The following DLG2 variants were observed in gnomAD, a reference collection of about 807,000 sequenced individuals.
The protein encoded by DLG2 is discs large MAGUK scaffold protein 2, also known as disks large homolog 2.
In DLG2, 45 loss-of-function variants were observed where a neutral mutation model predicts 132.5. That is an observed-to-expected ratio of 0.34 (90% CI 0.27 to 0.44). The LOEUF (loss-of-function observed/expected upper bound fraction) is 0.44. Among genes scored for constraint, DLG2 ranks in the 20% least tolerant of loss-of-function variants. The pLI, the probability that DLG2 is intolerant of heterozygous loss-of-function variation, is 1.00. For synonymous variants in DLG2, 424 were observed against 419.6 expected (o/e 1.01, Z -0.13); for missense variants, 1,045 against 1,196.9 (o/e 0.87, Z 1.87).
At chr11:83,961,488 T>C (rs766785115) in intron 14 of DLG2, among the ~76,000 whole-genome samples, 7 of 152,028 alleles carry the variant, frequency 4.6e-5, no homozygotes, top group Non-Finnish European at 1.0e-4. Context: ...TATGTGACCA[T>C]AAGCAAGTTC....
In DLG2 at chr11:85,254,399, A is replaced by G. The variant is rs574204735; in HGVS notation, c.186+30821T>C. On this transcript the variant is annotated intron_variant, in intron 4 of 27. Transcript: ENST00000376104. ...ACACACTTACCTAGAAAAATATTGG[A>G]CAGACTTGTCTGAAGAGCCCAGTCT... is the stretch of plus-strand genomic sequence containing the variant. 6.6e-5 allele frequency among the ~76,000 whole-genome samples: 10 copies of G among 152,314 alleles called. No individual in the cohort carries two copies. In the South Asian group the frequency reaches 2.1e-3, roughly 32 times the overall value.
intron 16 of DLG2, among the ~76,000 whole-genome samples, chr11:83,852,711 A>T (rs575588147): frequency 6.6e-6 from 1 of 152,272 alleles, no homozygotes; most frequent in East Asian, 1.9e-4. Flanking sequence ...TCCTGTATAA[A>T]TGTTTTACCA....
chr11:83,695,030 C>A (rs12225687), intron 18 of DLG2, among the ~76,000 whole-genome samples: 42,897 of 152,082 alleles, frequency 0.28, 7,701 homozygotes, highest in African/African-American at 0.51. Context: ...TTGTTCACCA[C>A]CTATAAAAGT....
intron 21 of DLG2, among the ~76,000 whole-genome samples, chr11:83,509,455 T>TA (rs1405468260): frequency 6.6e-6 from 1 of 152,150 alleles, no homozygotes; most frequent in East Asian, 1.9e-4. Context: ...TATCACAAGT[T>TA]ACTTTCAGAA....
In DLG2 at chr11:83,715,063, T is replaced by C. The variant is rs2086374100; in HGVS notation, c.1825+71627A>G. Among the ~76,000 whole-genome samples, 5 of 152,296 alleles carry C rather than the reference T, an allele frequency of 3.3e-5. No individual in the cohort carries two copies. The South Asian group carries it at 1.0e-3, about 32-fold the overall frequency. On this transcript the variant is annotated intron_variant, in intron 18 of 27. Coordinates refer to ENST00000376104, the MANE Select transcript of DLG2 (RefSeq NM_001142699.3). ...AAGAAAATGTGGCACATATACACCA[T>C]GGAATACTATGCAGCCATAAAAAAA...
intron 6 of DLG2, among the ~76,000 whole-genome samples, chr11:84,927,583 C>G (rs2047548274): frequency 6.6e-6 from 1 of 152,018 alleles, no homozygotes; most frequent in Non-Finnish European, 1.5e-5. Context: ...TCTGTCACAA[C>G]TACTCCATTT....
chr11:84,703,549 C>T (rs1386813102), intron 6 of DLG2, among the ~76,000 whole-genome samples: 1 of 151,362 alleles, frequency 6.6e-6, no homozygotes, highest in Non-Finnish European at 1.5e-5. Flanking sequence ...ATGAGATAAA[C>T]AAATAAAGCT....
At chr11:83,515,891 A>G (rs1051246279) in intron 21 of DLG2, among the ~76,000 whole-genome samples, 3 of 152,210 alleles carry the variant, frequency 2.0e-5, no homozygotes, top group Non-Finnish European at 2.9e-5. Context: ...TCTGAGGGAC[A>G]GTTTGTTATA....
intron 17 of DLG2, among the ~76,000 whole-genome samples, chr11:83,805,862 T>A (rs1301441585): frequency 2.6e-5 from 4 of 152,102 alleles, no homozygotes; most frequent in African/African-American, 9.7e-5. Context: ...TCCTCCCATA[T>A]CATTGGTGGA....
intron 6 of DLG2, among the ~76,000 whole-genome samples, chr11:84,917,735 G>C (rs1236272539): frequency 1.3e-5 from 2 of 151,990 alleles, no homozygotes; most frequent in African/African-American, 4.8e-5. Flanking sequence ...TTTAAGTTTT[G>C]AGTTAATGGG....
At chr11:84,446,889 T>C (rs908135501) in intron 7 of DLG2, among the ~76,000 whole-genome samples, 2 of 152,106 alleles carry the variant, frequency 1.3e-5, no homozygotes, top group African/African-American at 4.8e-5. Flanking sequence ...CATAGTCAGT[T>C]CAGGATCTCA....
intron 3 of DLG2, among the ~76,000 whole-genome samples, chr11:85,488,600 C>T (rs1423178341): frequency 6.6e-6 from 1 of 152,124 alleles, no homozygotes; most frequent in Admixed American, 6.5e-5. Flanking sequence ...ATTCTAAAAT[C>T]AGCAAGAGAA....
At chr11:83,742,741 C>T (rs957767104) in intron 18 of DLG2, among the ~76,000 whole-genome samples, 4 of 152,170 alleles carry the variant, frequency 2.6e-5, no homozygotes, top group African/African-American at 9.7e-5. Context: ...ACCTTTCATC[C>T]TGGTCCATAT....
At chr11:85,476,870 G>C (rs565470804) in intron 3 of DLG2, among the ~76,000 whole-genome samples, 77 of 152,094 alleles carry the variant, frequency 5.1e-4, no homozygotes, top group African/African-American at 1.8e-3. Flanking sequence ...TAAGTGGAAA[G>C]AGTACACTCT....
intron 8 of DLG2, among the ~76,000 whole-genome samples, chr11:84,207,075 C>CTATATA (rs1478236533): frequency 3.1e-4 from 33 of 105,716 alleles, no homozygotes; most frequent in African/African-American, 9.4e-4. Context: ...CTCTCTCTCT[C>CTATATA]TCTCTCTATA....
chr11:83,682,423 T>C, intron 18 of DLG2: 2 of 985,344 alleles, frequency 2.0e-6, no homozygotes, highest in Non-Finnish European at 2.4e-6. Context: ...TCCTGATAAA[T>C]ATATCAGCCT....
At chr11:84,085,751 A>T (rs1312960479) in intron 10 of DLG2, among the ~76,000 whole-genome samples, 2 of 152,238 alleles carry the variant, frequency 1.3e-5, no homozygotes, top group Non-Finnish European at 2.9e-5. Flanking sequence ...GGCGATGCTT[A>T]AATCAGAATA....
chr11:83,875,405 G>C (rs1265559157), intron 15 of DLG2, among the ~76,000 whole-genome samples: 8 of 152,270 alleles, frequency 5.3e-5, no homozygotes, highest in African/African-American at 1.9e-4. Context: ...GAGATACAGA[G>C]AGGATTAGAA....
At chr11:85,090,385 C>G (rs2068573957) in intron 6 of DLG2, among the ~76,000 whole-genome samples, 1 of 152,168 alleles carries the variant, frequency 6.6e-6, no homozygotes, top group African/African-American at 2.4e-5. Context: ...CCCCATCTCT[C>G]CACATCCAAT....
Sources: gnomAD v4.1 joint callset for allele counts (sites outside exome capture counted in the v4.1 genomes callset) on GRCh38, gnomAD v4.1.1 for gene constraint, MANE v1.5 for transcripts, NCBI Gene and HGNC (gene_info 2026-07-23, HGNC 2026-07-21) for gene names.